Variants in SIAE observed in about 807,000 individuals in gnomAD.
SIAE encodes the protein sialate O-acetylesterase.
In SIAE, 39 loss-of-function variants were observed where a neutral mutation model predicts 52.6. That is an observed-to-expected ratio of 0.74 (90% confidence interval 0.57 to 0.97). The LOEUF (loss-of-function observed/expected upper bound fraction) is 0.97, where lower values mean the gene tolerates loss of function less well. SIAE is among the 50% of genes least tolerant of loss of function. The probability of loss-of-function intolerance (pLI) is 0.00; values close to 1 mark genes in which losing one functional copy is unlikely to be tolerated. For missense variants in SIAE, 592 were observed against 662.1 expected (o/e 0.89, Z 1.16); for synonymous variants, 233 against 241.4 (o/e 0.97, Z 0.32).
At position 124,636,394 on chromosome 11, in the gene SIAE, G is replaced by GAA. The variant is rs1216533418; in HGVS notation, c.*555_*556dup. 7 of 156,938 alleles carry GAA rather than the reference G, an allele frequency of 4.5e-5. No individual in the cohort carries two copies. In the East Asian group the frequency reaches 1.3e-3, roughly 29 times the overall value. The allele number at this position is 156,938 out of a possible 1,614,324, so 9.7% of individuals were successfully genotyped here. On this transcript the variant is annotated 3_prime_UTR_variant, in exon 10 of 10. Transcript: ENST00000263593. ...TCGGTTCCACATAAGGAAAAACTTG[G>GAA]AAAGTTTTGAATGGAAAGTTCATAG...
chr11:124,660,895 T>C (rs1053234722), intron 2 of SIAE, 92 bp from the exon 3 acceptor site: 19 of 1,455,424 alleles, frequency 1.3e-5, no homozygotes, highest in Non-Finnish European at 1.8e-5. Context: ...TCCCAGCCTC[T>C]GTAATAAACC....
intron 3 of SIAE, chr11:124,660,373 A>G (rs2134382024): frequency 2.0e-6 from 1 of 503,604 alleles, no homozygotes; most frequent in African/African-American, 1.9e-5. Flanking sequence ...TAGAGAAAAC[A>G]ATACTCCTTC....
chr11:124,639,641 G>A (rs1198257681), intron 8 of SIAE, 69 bp downstream of exon 8: 52 of 1,602,200 alleles, frequency 3.2e-5, no homozygotes, highest in Admixed American at 1.0e-4. Flanking sequence ...GCCCCTCACC[G>A]GTGAACATCA....
intron 3 of SIAE, among the ~76,000 whole-genome samples, chr11:124,658,177 T>C (rs1943129114): frequency 1.3e-5 from 2 of 152,044 alleles, no homozygotes; most frequent in African/African-American, 4.8e-5. Context: ...ATCTATTTCC[T>C]CAGAGAATCT....
At position 124,671,072 on chromosome 11, in the gene SIAE, T is replaced by C. The variant is rs373240472; in HGVS notation, c.68-1551A>G. On this transcript the variant is annotated intron_variant, in intron 1 of 9. Coordinates refer to ENST00000263593, the MANE Select transcript of SIAE (RefSeq NM_170601.5). ...ACATTTGTGTGCAGTCAGTAGTCCATAGGCTAGGGGAAATACCTTCCCAAG... is the reference window on the plus strand; with the variant it reads ...ACATTTGTGTGCAGTCAGTAGTCCACAGGCTAGGGGAAATACCTTCCCAAG... 3.3e-5 allele frequency among the ~76,000 whole-genome samples: 5 copies of C among 152,304 alleles called. No homozygotes were observed. In the East Asian group the frequency reaches 7.7e-4, roughly 23 times the overall value.
At position 124,636,160 on chromosome 11, in the gene SIAE, T is replaced by G. The variant is rs1942734604; in HGVS notation, c.*791A>C. On this transcript the variant is annotated 3_prime_UTR_variant, in exon 10 of 10. Transcript: ENST00000263593. Reference sequence around the variant, plus strand: ...AGCCCAAGTGCCTTCGCTGGGCTACTCCCACCTGGCCCTTGCTTTTCATTC... The same window carrying G: ...AGCCCAAGTGCCTTCGCTGGGCTACGCCCACCTGGCCCTTGCTTTTCATTC... 6.6e-6 allele frequency: 1 copy of G among 152,232 alleles called. No homozygotes were observed. Among genetic ancestry groups the G allele is most frequent in the Non-Finnish European group, 1.5e-5 (1 of 68,054 alleles). 9.4% of individuals were successfully genotyped at this position (152,232 alleles called of 1,614,324 possible). A position where few individuals can be genotyped will look rare whatever the true frequency, so the allele number is the denominator to read the frequency against.
chr11:124,649,521 C>T, intron 5 of SIAE, 98 bp downstream of exon 5: 1 of 1,276,556 alleles, frequency 7.8e-7, no homozygotes, highest in Middle Eastern at 2.6e-4. Flanking sequence ...CATATTGGGA[C>T]ATTCACCATA....
intron 4 of SIAE, chr11:124,654,367 AGGCATC>A: frequency 1.0e-6 from 1 of 985,410 alleles, no homozygotes; most frequent in African/African-American, 1.7e-5. Context: ...TTTGGAGTGA[AGGCATC>A]GGCGAGAGAT....
chr11:124,658,240 G>GCACACACA lies in SIAE; in HGVS notation c.405+2380_405+2387dup, dbSNP rs10643725. On this transcript the variant is annotated intron_variant, in intron 3 of 9. Transcript: ENST00000263593. ...AGCATGCGTGTGAGTGTGTGTCTGTGCACACACACACACACACACACAGAA... is the reference window on the plus strand; with the variant it reads ...AGCATGCGTGTGAGTGTGTGTCTGTGCACACACACACACACACACACACACACACAGAA... 7.0e-4 allele frequency among the ~76,000 whole-genome samples: 101 copies of GCACACACA among 145,262 alleles called. 1 individual carries two copies. Among genetic ancestry groups the GCACACACA allele is most frequent in the African/African-American group, 2.4e-3 (95 of 39,950 alleles).
At position 124,649,707 on chromosome 11, in the gene SIAE, C is replaced by G; in HGVS notation, c.634G>C (p.Gly212Arg). 6.2e-7 allele frequency: 1 copy of G among 1,614,064 alleles called. No individual in the cohort carries two copies. The highest frequency in any genetic ancestry group is 2.2e-5 in the East Asian group (1 of 44,880). ...HLYDTLQYPI[G>R]LIASSWGGTP... ...CCGCCCCAGCTGGAGGCGATCAGCCCGATGGGATACTGCAGAGTGTCATAA... is the reference window on the plus strand; with the variant it reads ...CCGCCCCAGCTGGAGGCGATCAGCCGGATGGGATACTGCAGAGTGTCATAA... Residue 212 changes from glycine to arginine, a missense_variant, in exon 5 of 10, where the codon GGG (glycine) becomes CGG (arginine). Gly to Arg is a moderately radical substitution (Grantham distance 125). Transcript: ENST00000263593.
chr11:124,637,405 C>T (rs1012500937), intron 9 of SIAE, among the ~76,000 whole-genome samples: 11 of 152,230 alleles, frequency 7.2e-5, no homozygotes, highest in African/African-American at 2.6e-4. Context: ...TTCATGTGAT[C>T]AAATAAATAA....
At chr11:124,673,069 C>T (rs1428320809) in intron 1 of SIAE, among the ~76,000 whole-genome samples, 1 of 152,168 alleles carries the variant, frequency 6.6e-6, no homozygotes, top group African/African-American at 2.4e-5. Context: ...CACATTTTCC[C>T]ACCACCAATA....
rs1943193365 is a variant in SIAE at position 124,662,042 on chromosome 11, CA to C, written c.230-1240del. ...TTCTCAGAGTCCTGGGGAAAATGTCCAAAAGCCCCAAGACATCAGAGGAAGG... is the reference window on the plus strand; with the variant it reads ...TTCTCAGAGTCCTGGGGAAAATGTCCAAAGCCCCAAGACATCAGAGGAAGG... On this transcript the variant is annotated intron_variant, in intron 2 of 9. Coordinates refer to ENST00000263593, the MANE Select transcript of SIAE (RefSeq NM_170601.5). Among the ~76,000 whole-genome samples, 3 of 152,264 alleles carry C rather than the reference CA, an allele frequency of 2.0e-5. No homozygotes were observed. In the South Asian group the frequency reaches 6.2e-4, roughly 32 times the overall value.
At chr11:124,674,517 T>A (rs1943432287), upstream of SIAE, 2 of 152,286 alleles carry the variant, frequency 1.3e-5, no homozygotes, top group South Asian at 4.1e-4. Flanking sequence ...CTTTTCATAC[T>A]CAGTAGTAGC....
At position 124,654,636 on chromosome 11, in the gene SIAE, C is replaced by T. The variant is rs74844664; in HGVS notation, c.544+19G>A. The T allele has an allele frequency of 1.1e-5, 18 of 1,614,014 alleles. No homozygotes were observed. The highest frequency in any genetic ancestry group is 8.0e-5 in the African/African-American group (6 of 75,024). ...CTAACCCATTATATAAGAGACAGCA[C>T]GTTCAAGCCGTCACATACCTGAGGT... is the stretch of plus-strand genomic sequence containing the variant. On this transcript the variant is annotated intron_variant, in intron 4 of 9. Transcript: ENST00000263593.
At chr11:124,659,664 T>A (rs1943156959) in intron 3 of SIAE, 1 of 132,288 alleles carries the variant, frequency 7.6e-6, no homozygotes, top group African/African-American at 2.8e-5. Context: ...GGGGGGGGCT[T>A]CCGTATATAT....
At position 124,639,934 on chromosome 11, in the gene SIAE, A is replaced by C. The variant is rs1942817755; in HGVS notation, c.967-67T>G. 5 of 1,562,904 alleles carry C rather than the reference A, an allele frequency of 3.2e-6. No individual in the cohort carries two copies. In the Admixed American group the frequency reaches 6.7e-5, roughly 21 times the overall value. ...CCACACTGGAGTCTTTTTCACTGGC[A>C]GACTCTGCTTCTGCTTCTCTCATTG... On this transcript the variant is annotated intron_variant, in intron 7 of 9. Coordinates refer to ENST00000263593, the MANE Select transcript of SIAE (RefSeq NM_170601.5).
chr11:124,660,744 C>G lies in SIAE; in HGVS notation c.289G>C (p.Val97Leu), dbSNP rs1200296467. Residue 97 changes from valine to leucine, a missense_variant, in exon 3 of 10, where the codon GTG becomes CTG. Physicochemically the swap from Val to Leu is conservative, Grantham distance 32. Coordinates refer to ENST00000263593, the MANE Select transcript of SIAE (RefSeq NM_170601.5). ...DPMKPGGPFEVMAQQTLEKIN... is the reference protein window; with the variant it reads ...DPMKPGGPFELMAQQTLEKIN... ...TTCTCCAAAGTCTGTTGTGCCATCA[C>G]TTCGAAAGGTCCTCCAGGCTTCATA... 1 of 1,614,218 alleles carries G rather than the reference C, an allele frequency of 6.2e-7. No homozygotes were observed. The highest frequency in any genetic ancestry group is 8.5e-7 in the Non-Finnish European group (1 of 1,180,038).
chr11:124,660,446 C>A, intron 3 of SIAE, 182 bp downstream of exon 3: 3 of 697,576 alleles, frequency 4.3e-6, no homozygotes, highest in Non-Finnish European at 7.8e-6. Flanking sequence ...TAATCAATAG[C>A]TTATCTCTTA....
Sources: gnomAD v4.1 joint callset for allele counts (sites outside exome capture counted in the v4.1 genomes callset) on GRCh38, gnomAD v4.1.1 for gene constraint, MANE v1.5 for transcripts, NCBI Gene and HGNC (gene_info 2026-07-23, HGNC 2026-07-21) for gene names.